DMD: variants seen among roughly 807,000 people sequenced by gnomAD.
DMD encodes the protein mutant dystrophin.
In DMD, 63 loss-of-function variants were observed where a neutral mutation model predicts 330.1. That is an observed-to-expected ratio of 0.19 (90% CI 0.16 to 0.24). The LOEUF (loss-of-function observed/expected upper bound fraction) is 0.24. Ranked by LOEUF, DMD falls within the 10% of genes least tolerant of loss-of-function variation. DMD has a pLI of 1.00. For missense variants in DMD, 3,344 were observed against 2,684.1 expected (o/e 1.25, Z -5.43); for synonymous variants, 1,223 against 959.8 (o/e 1.27, Z -5.07).
chrX:31,303,137 A>G (rs977642988), intron 62 of DMD, among the ~76,000 whole-genome samples: 3 of 111,807 alleles, frequency 2.7e-5, no homozygotes, highest in Non-Finnish European at 5.7e-5. Flanking sequence ...AATTTTTAAA[A>G]ATTAGTCTTT....
chrX:33,070,254 G>T, intron 1 of DMD, among the ~76,000 whole-genome samples: 1 of 111,437 alleles, frequency 9.0e-6, no homozygotes, highest in African/African-American at 3.3e-5. Context: ...TGATGTTTCT[G>T]TGTGCCTATG....
intron 62 of DMD, among the ~76,000 whole-genome samples, chrX:31,277,628 A>T (rs772502618): frequency 1.1e-4 from 12 of 111,269 alleles, no homozygotes; most frequent in Non-Finnish European, 2.1e-4. Flanking sequence ...ATAAGCCAGG[A>T]ACATGATGCC....
chrX:31,891,016 T>C (rs1299266060), intron 47 of DMD, among the ~76,000 whole-genome samples: 1 of 112,074 alleles, frequency 8.9e-6, no homozygotes, highest in Non-Finnish European at 1.9e-5. Flanking sequence ...ATGAAGCAAA[T>C]GCATATTGCT....
At chrX:31,999,013 T>C (rs2150351296) in intron 44 of DMD, among the ~76,000 whole-genome samples, 1 of 111,389 alleles carries the variant, frequency 9.0e-6, no homozygotes, top group East Asian at 2.8e-4. Context: ...AACTAGCGGA[T>C]ACTTTTTGCC....
chrX:31,582,533 A>C (rs1283988739), intron 55 of DMD, among the ~76,000 whole-genome samples: 3 of 112,111 alleles, frequency 2.7e-5, no homozygotes, highest in African/African-American at 9.7e-5. Context: ...TGAGGAAGTG[A>C]TGCTAGATGC....
intron 7 of DMD, among the ~76,000 whole-genome samples, chrX:32,804,277 A>C (rs1338671219): frequency 8.9e-6 from 1 of 112,039 alleles, no homozygotes; most frequent in Non-Finnish European, 1.9e-5. Flanking sequence ...CTGAGGCTCC[A>C]GCTTGGTGGA....
chrX:32,488,671 T>A (rs1051399368), intron 20 of DMD, among the ~76,000 whole-genome samples: 6 of 111,533 alleles, frequency 5.4e-5, no homozygotes, highest in African/African-American at 2.0e-4. Context: ...TTGGATGCAG[T>A]AAGAGAAGTA....
intron 7 of DMD, among the ~76,000 whole-genome samples, chrX:32,705,135 A>G (rs73621822): frequency 0.011 from 1,279 of 112,195 alleles, 21 homozygotes; most frequent in African/African-American, 0.039. Flanking sequence ...TACAATAGAT[A>G]TACAACATTT....
intron 1 of DMD, among the ~76,000 whole-genome samples, chrX:33,113,353 G>A (rs989430789): frequency 8.1e-5 from 9 of 111,230 alleles, no homozygotes; most frequent in East Asian, 5.7e-4. Context: ...CACCGTGCCC[G>A]GCCTCAACAT....
At chrX:32,429,440 T>A (rs1344292994) in intron 29 of DMD, among the ~76,000 whole-genome samples, 1 of 91,079 alleles carries the variant, frequency 1.1e-5, no homozygotes, top group Non-Finnish European at 2.1e-5. Flanking sequence ...AGGTATCACC[T>A]TGTTGGCAGC....
intron 2 of DMD, among the ~76,000 whole-genome samples, chrX:32,877,796 C>A (rs2083490908): frequency 8.9e-6 from 1 of 111,905 alleles, no homozygotes; most frequent in Non-Finnish European, 1.9e-5. Context: ...AAAAGCCCAG[C>A]TCCTTCTGTA....
intron 16 of DMD, among the ~76,000 whole-genome samples, chrX:32,549,720 A>G (rs1027202857): frequency 9.0e-6 from 1 of 111,386 alleles, no homozygotes; most frequent in Non-Finnish European, 1.9e-5. Context: ...CAGCATCCTG[A>G]TATTATTCCA....
intron 2 of DMD, among the ~76,000 whole-genome samples, chrX:32,988,960 C>G (rs1164245067): frequency 1.8e-5 from 2 of 110,893 alleles, no homozygotes; most frequent in Non-Finnish European, 3.8e-5. Flanking sequence ...TAAAATGTAG[C>G]TTAAACTGTT....
intron 54 of DMD, among the ~76,000 whole-genome samples, chrX:31,644,047 GACTTGTACTTTCAAAGTTAGAATAATA>G (rs1474155806): frequency 1.1e-4 from 12 of 111,471 alleles, no homozygotes; most frequent in Non-Finnish European, 2.3e-4. Flanking sequence ...GTCTGATTCT[GACTTGTACTTTCAAAGTTAGAATAATA>G]AAGCTCTGCC....
At chrX:31,823,227 C>CA (rs1422870214) in intron 49 of DMD, among the ~76,000 whole-genome samples, 2 of 112,470 alleles carry the variant, frequency 1.8e-5, no homozygotes, top group Non-Finnish European at 3.8e-5. Flanking sequence ...TTCGAGTGTT[C>CA]AATGTCCTCA....
chrX:32,337,046 TG>T (rs1346275784), intron 41 of DMD, among the ~76,000 whole-genome samples: 4 of 110,894 alleles, frequency 3.6e-5, no homozygotes, highest in African/African-American at 1.3e-4. Context: ...AGAAATATGG[TG>T]TAAGTGGGGA....
At chrX:32,402,586 A>G (rs2098092241) in intron 30 of DMD, among the ~76,000 whole-genome samples, 1 of 111,501 alleles carries the variant, frequency 9.0e-6, no homozygotes, top group East Asian at 2.8e-4. Context: ...GTAATTACCA[A>G]ATAACGTGAA....
chrX:32,694,800 G>A (rs1441661826), intron 9 of DMD, among the ~76,000 whole-genome samples: 4 of 111,077 alleles, frequency 3.6e-5, no homozygotes, highest in Non-Finnish European at 3.8e-5. Context: ...GGGATTACAG[G>A]TGTGCGCCAC....
chrX:31,358,047 G>A (rs943907819), intron 60 of DMD, among the ~76,000 whole-genome samples: 4 of 109,965 alleles, frequency 3.6e-5, no homozygotes, highest in Admixed American at 9.8e-5. Context: ...CAGTCTCTAC[G>A]GTCTCTCTCC....
Sources: gnomAD v4.1 joint callset for allele counts (sites outside exome capture counted in the v4.1 genomes callset) on GRCh38, gnomAD v4.1.1 for gene constraint, MANE v1.5 for transcripts, NCBI Gene and HGNC (gene_info 2026-07-23, HGNC 2026-07-21) for gene names.